Variants in AP1AR observed in about 807,000 individuals in gnomAD.
AP1AR encodes the protein adaptor related protein complex 1 associated regulatory protein.
In AP1AR, 29 loss-of-function variants were observed where a neutral mutation model predicts 46.3. That is an observed-to-expected ratio of 0.63 (90% CI 0.47 to 0.85). The LOEUF (loss-of-function observed/expected upper bound fraction) is 0.85. AP1AR is among the 40% of genes least tolerant of loss of function. The pLI, the probability that AP1AR is intolerant of heterozygous loss-of-function variation, is 0.00. For synonymous variants in AP1AR, 122 were observed against 122.9 expected (o/e 0.99, Z 0.05); for missense variants, 357 against 356.3 (o/e 1.00, Z -0.02).
At position 112,271,481 on chromosome 4, in the gene AP1AR, A is replaced by G. The variant is rs1726948718; in HGVS notation, c.*3072A>G. ...CCAGGGATGTCCCTAAGGACCAGGT[A>G]TACAGGGAGCTGACTCCATCCTGAT... On this transcript the variant is annotated 3_prime_UTR_variant, in exon 10 of 10. Coordinates refer to ENST00000274000, the MANE Select transcript of AP1AR (RefSeq NM_018569.6). 6.6e-6 allele frequency among the ~76,000 whole-genome samples: 1 copy of G among 152,252 alleles called. No individual in the cohort carries two copies. The highest frequency in any genetic ancestry group is 1.5e-5 in the Non-Finnish European group (1 of 68,046).
chr4:112,262,119 G>T (rs1726474621), intron 5 of AP1AR, among the ~76,000 whole-genome samples: 1 of 152,144 alleles, frequency 6.6e-6, no homozygotes, highest in Non-Finnish European at 1.5e-5. Context: ...TTAAGAACCA[G>T]CCTGGGCAAC....
rs572403996 is a variant in AP1AR at position 112,271,695 on chromosome 4, GAA to G, written c.*3288_*3289del. Among the ~76,000 whole-genome samples the G allele has an allele frequency of 3.2e-4, 48 of 152,318 alleles. No homozygotes were observed. Among genetic ancestry groups the G allele is most frequent in the Admixed American group, 1.7e-3 (26 of 15,300 alleles). On this transcript the variant is annotated 3_prime_UTR_variant, in exon 10 of 10. Coordinates refer to ENST00000274000, the MANE Select transcript of AP1AR (RefSeq NM_018569.6). ...ACAGGTTTGGGAAAGTGGGGAAAAT[GAA>G]AGAGTTCTATTTGAAAAGTTAACTT...
intron 1 of AP1AR, among the ~76,000 whole-genome samples, chr4:112,233,003 T>C (rs1725083594): frequency 6.6e-6 from 1 of 152,200 alleles, no homozygotes; most frequent in Non-Finnish European, 1.5e-5. Flanking sequence ...AGCAAATTCC[T>C]TTGGGGTTGG....
chr4:112,241,552 G>C (rs1228043336), intron 1 of AP1AR, among the ~76,000 whole-genome samples: 9 of 152,162 alleles, frequency 5.9e-5, no homozygotes, highest in African/African-American at 1.7e-4. Context: ...TGGATTAAAT[G>C]ATGGCAACCC....
At position 112,271,856 on chromosome 4, in the gene AP1AR, G is replaced by A. The variant is rs930370864; in HGVS notation, c.*3447G>A. Among the ~76,000 whole-genome samples the A allele has an allele frequency of 1.3e-5, 2 of 152,204 alleles. No homozygotes were observed. The highest frequency in any genetic ancestry group is 2.9e-5 in the Non-Finnish European group (2 of 68,034). Reference sequence around the variant, plus strand: ...AATGGTATTTTAAGTCATTAAACCAGCTGAGTTCACCCCAGGGGAGCACAT... The same window carrying A: ...AATGGTATTTTAAGTCATTAAACCAACTGAGTTCACCCCAGGGGAGCACAT... On this transcript the variant is annotated 3_prime_UTR_variant, in exon 10 of 10. Transcript: ENST00000274000.
rs1315097986 is a variant in AP1AR, at chr4:112,272,965, T to G, written c.*4556T>G. 6.6e-6 allele frequency: 1 copy of G among 152,072 alleles called. No individual in the cohort carries two copies. Among genetic ancestry groups the G allele is most frequent in the Non-Finnish European group, 1.5e-5 (1 of 68,002 alleles). 9.4% of individuals were successfully genotyped at this position (152,072 alleles called of 1,614,324 possible). On this transcript the variant is annotated 3_prime_UTR_variant, in exon 10 of 10. Transcript: ENST00000274000. Reference sequence around the variant, plus strand: ...TAAAAAAGATTTTATGTTAAATATGTAGTGTTTTCCCATCTTCATTTATTT... The same window carrying G: ...TAAAAAAGATTTTATGTTAAATATGGAGTGTTTTCCCATCTTCATTTATTT...
chr4:112,270,439 T>C lies in AP1AR; in HGVS notation c.*2030T>C, dbSNP rs1053829154. ...GGTCACAGTTAGAAAATATACAAGA[T>C]TATAGGAGAGAGAGTAACTGGGGGC... On this transcript the variant is annotated 3_prime_UTR_variant, in exon 10 of 10. Coordinates refer to ENST00000274000, the MANE Select transcript of AP1AR (RefSeq NM_018569.6). Among the ~76,000 whole-genome samples, 3 of 152,112 alleles carry C rather than the reference T, an allele frequency of 2.0e-5. No homozygotes were observed. Among genetic ancestry groups the C allele is most frequent in the Non-Finnish European group, 4.4e-5 (3 of 68,002 alleles).
chr4:112,242,921 T>C (rs185197542), intron 1 of AP1AR, among the ~76,000 whole-genome samples: 232 of 152,348 alleles, frequency 1.5e-3, no homozygotes, highest in African/African-American at 5.1e-3. Flanking sequence ...CATGGATGAC[T>C]TGGAGGAACT....
At chr4:112,260,968 G>T in intron 5 of AP1AR, 106 bp downstream of exon 5, 1 of 572,506 alleles carries the variant, frequency 1.7e-6, no homozygotes, top group Non-Finnish European at 2.8e-6. Context: ...GATATATACA[G>T]ATGAATCTGT....
chr4:112,268,186 A>G lies in AP1AR; in HGVS notation c.686A>G (p.Glu229Gly), dbSNP rs765174258. Residue 229 changes from glutamate (E) to glycine (G), a missense_variant, in exon 10 of 10, where the codon GAG becomes GGG. Physicochemically the swap from Glu to Gly is moderately conservative, Grantham distance 98. Transcript: ENST00000274000. ...MLPMRERSKT[E>G]EDILRAALKY... ...CCAATGAGAGAACGTTCCAAAACAG[A>G]GGAAGACATTCTACGGGCAGCACTT... 6.2e-7 allele frequency: 1 copy of G among 1,602,464 alleles called. No homozygotes were observed. Among genetic ancestry groups the G allele is most frequent in the East Asian group, 2.2e-5 (1 of 44,720 alleles).
At position 112,265,689 on chromosome 4, in the gene AP1AR, C is replaced by A. The variant is rs777954465; in HGVS notation, c.441-45C>A. ...ATTAGCTTATATATTTGTCATATTGCAGCTACCATGAATATATTAAAAAAT... is the reference window on the plus strand; with the variant it reads ...ATTAGCTTATATATTTGTCATATTGAAGCTACCATGAATATATTAAAAAAT... On this transcript the variant is annotated intron_variant, in intron 7 of 9. Coordinates refer to ENST00000274000, the MANE Select transcript of AP1AR (RefSeq NM_018569.6). 12 of 1,404,622 alleles carry A rather than the reference C, an allele frequency of 8.5e-6. 1 individual carries two copies. Among genetic ancestry groups the A allele is most frequent in the Middle Eastern group, 3.6e-4 (2 of 5,584 alleles). The allele number at this position is 1,404,622 out of a possible 1,614,324, so 87.0% of individuals were successfully genotyped here. A position where few individuals can be genotyped will look rare whatever the true frequency, so the allele number is the denominator to read the frequency against.
intron 6 of AP1AR, among the ~76,000 whole-genome samples, chr4:112,263,298 C>T (rs570328052): frequency 6.5e-4 from 99 of 152,260 alleles, no homozygotes; most frequent in African/African-American, 2.3e-3. Flanking sequence ...ATACTCAATG[C>T]TATTTAGCTT....
At chr4:112,259,632 CTTCT>C (rs1362799982) in intron 4 of AP1AR, among the ~76,000 whole-genome samples, 1 of 152,122 alleles carries the variant, frequency 6.6e-6, no homozygotes, top group Non-Finnish European at 1.5e-5. Context: ...TCCTTAGTTT[CTTCT>C]TTCTTCCTTC....
chr4:112,251,608 T>C (rs916097255), intron 1 of AP1AR, among the ~76,000 whole-genome samples: 1 of 152,190 alleles, frequency 6.6e-6, no homozygotes, highest in African/African-American at 2.4e-5. Context: ...TCAGGGAAGA[T>C]AGTGATGGTT....
intron 1 of AP1AR, among the ~76,000 whole-genome samples, chr4:112,238,495 T>C (rs1725348896): frequency 6.6e-6 from 1 of 152,126 alleles, no homozygotes; most frequent in Admixed American, 6.5e-5. Context: ...GTGTCAGCAT[T>C]AGAAGATTTA....
chr4:112,242,437 G>A (rs1174198441), intron 1 of AP1AR, among the ~76,000 whole-genome samples: 2 of 122,554 alleles, frequency 1.6e-5, no homozygotes, highest in South Asian at 2.3e-4. Context: ...ATCTGAGACT[G>A]GGTAATTTAT....
intron 1 of AP1AR, among the ~76,000 whole-genome samples, chr4:112,252,225 T>C (rs931152348): frequency 1.7e-4 from 26 of 152,018 alleles, no homozygotes; most frequent in Non-Finnish European, 2.5e-4. Context: ...GGTGACAGAG[T>C]AAGACCCTGT....
intron 3 of AP1AR, 25 bp from the exon 4 acceptor site, chr4:112,257,747 A>C: frequency 6.6e-7 from 1 of 1,520,408 alleles, no homozygotes; most frequent in Non-Finnish European, 8.9e-7. Flanking sequence ...AATTTGTTTT[A>C]ATTGTTTAAT....
chr4:112,245,804 T>G (rs1461853794), intron 1 of AP1AR, among the ~76,000 whole-genome samples: 1 of 152,230 alleles, frequency 6.6e-6, no homozygotes, highest in East Asian at 1.9e-4. Context: ...GCATATGTAG[T>G]TGGAAACTTC....
Sources: allele counts gnomAD v4.1 joint callset (sites outside exome capture counted in the v4.1 genomes callset), GRCh38; gene constraint gnomAD v4.1.1; transcripts MANE v1.5; gene names NCBI Gene and HGNC (gene_info 2026-07-23, HGNC 2026-07-21).